RIF1: variants seen among roughly 807,000 people sequenced by gnomAD.
The protein encoded by RIF1 is telomere-associated protein RIF1.
A neutral mutation model predicts 247.1 loss-of-function variants in RIF1; 45 were observed. That is an observed-to-expected ratio of 0.18 (90% CI 0.14 to 0.23). RIF1 has a LOEUF of 0.23. Among genes scored for constraint, RIF1 ranks in the 10% least tolerant of loss-of-function variants. The pLI is 1.00. For missense variants in RIF1, 2,967 were observed against 2,862.5 expected (o/e 1.04, Z -0.83); for synonymous variants, 1,087 against 978.8 (o/e 1.11, Z -2.06).
At chr2:151,507,714 T>C (rs1017369537) in intron 13 of RIF1, 36 of 335,122 alleles carry the variant, frequency 1.1e-4, no homozygotes, top group Admixed American at 5.6e-4. Flanking sequence ...CTTGTTAATC[T>C]GTCTTTTGTT....
the RIF1 span, chr2:151,527,008 C>T: frequency 7.5e-6 from 12 of 1,595,056 alleles, no homozygotes; most frequent in South Asian, 1.1e-5. Flanking sequence ...ACTCCCGGTC[C>T]AGCTTATATT....
chr2:151,502,710 A>C, intron 11 of RIF1: 1 of 781,172 alleles, frequency 1.3e-6, no homozygotes, highest in Non-Finnish European at 2.1e-6. Context: ...CATTATATGA[A>C]TTTAGTAATT....
chr2:151,438,636 A>T, intron 13 of RIF1, 48 bp from the exon 14 acceptor site: 1 of 1,151,350 alleles, frequency 8.7e-7, no homozygotes, highest in Non-Finnish European at 1.3e-6. Context: ...CATAGTACGT[A>T]GTCATATGTA....
At chr2:151,433,259 T>G (rs765791945) in intron 10 of RIF1, 31 bp downstream of exon 10, 1 of 1,537,790 alleles carries the variant, frequency 6.5e-7, no homozygotes, top group African/African-American at 1.4e-5. Context: ...TATAGCACTT[T>G]ATGTTTTTGT....
intron 24 of RIF1, among the ~76,000 whole-genome samples, chr2:151,458,226 ATTTTTTT>A (rs71403171): frequency 3.0e-5 from 3 of 99,172 alleles, no homozygotes; most frequent in South Asian, 3.7e-4. Flanking sequence ...GAAATAGATG[ATTTTTTT>A]TTTTTTTTTT....
downstream of RIF1, chr2:151,485,960 ATAT>A (rs746779495): frequency 1.1e-5 from 17 of 1,609,860 alleles, no homozygotes; most frequent in African/African-American, 2.7e-5. Flanking sequence ...AAAAGGGGAA[ATAT>A]TATATGTTGG....
chr2:151,495,415 A>C (rs2059535388), intron 10 of RIF1: 1 of 151,618 alleles, frequency 6.6e-6, no homozygotes, highest in Non-Finnish European at 1.5e-5. Context: ...AGGACCCAGC[A>C]ATCTGGCTTC....
intron 6 of RIF1, 88 bp from the exon 7 acceptor site, chr2:151,420,102 G>A: frequency 9.3e-7 from 1 of 1,073,840 alleles, no homozygotes; most frequent in Non-Finnish European, 1.4e-6. Context: ...GGGCCGTACT[G>A]TGTATATTTC....
chr2:151,483,555 C>T (rs1285332655), downstream of RIF1, among the ~76,000 whole-genome samples: 5 of 152,118 alleles, frequency 3.3e-5, no homozygotes, highest in Non-Finnish European at 7.3e-5. Context: ...ATACAGTCAT[C>T]CCTCAATATC....
chr2:151,519,655 T>C, the RIF1 span: 4 of 1,594,512 alleles, frequency 2.5e-6, no homozygotes, highest in South Asian at 4.4e-5. Context: ...TTTAGAAACA[T>C]ACCTCACTTG....
chr2:151,506,102 T>C, intron 12 of RIF1: 1 of 1,350,670 alleles, frequency 7.4e-7, no homozygotes, highest in South Asian at 1.2e-5. Context: ...GTGCAACTCA[T>C]AGGTCATTGT....
chr2:151,462,323 G>A lies in RIF1; in HGVS notation c.3308+1G>A. On this transcript the variant is annotated splice_donor_variant, in intron 28 of 35. Coordinates refer to ENST00000444746, the MANE Select transcript of RIF1 (RefSeq NM_018151.5). LOFTEE classifies it high-confidence loss of function. ...CTCAGTATAGTCAGGAAGAGCCTATGTAAGTACAGAAGCCATCAAACTTTT... is the reference window on the plus strand; with the variant it reads ...CTCAGTATAGTCAGGAAGAGCCTATATAAGTACAGAAGCCATCAAACTTTT... The A allele has an allele frequency of 6.4e-7, 1 of 1,565,324 alleles. No homozygotes were observed. Among genetic ancestry groups the A allele is most frequent in the Non-Finnish European group, 8.7e-7 (1 of 1,150,426 alleles).
At chr2:151,429,164 G>T (rs1689611203) in intron 9 of RIF1, among the ~76,000 whole-genome samples, 1 of 152,128 alleles carries the variant, frequency 6.6e-6, no homozygotes, top group South Asian at 2.1e-4. Context: ...GAAAAATAAT[G>T]ATTTGTGGCT....
At chr2:151,439,528 G>T (rs1161656669) in intron 14 of RIF1, among the ~76,000 whole-genome samples, 1 of 151,864 alleles carries the variant, frequency 6.6e-6, no homozygotes, top group East Asian at 1.9e-4. Flanking sequence ...GCCAGACATG[G>T]TGGTGCATGC....
intron 34 of RIF1, among the ~76,000 whole-genome samples, chr2:151,470,741 A>T (rs1373212494): frequency 6.6e-6 from 1 of 152,092 alleles, no homozygotes. Context: ...AAGGTCCTTG[A>T]TTTTATATTA....
chr2:151,527,098 A>C, the RIF1 span: 1 of 941,602 alleles, frequency 1.1e-6, no homozygotes, highest in Non-Finnish European at 1.7e-6. Context: ...TTAAACACAC[A>C]GGGAGTCCTC....
At chr2:151,522,505 G>A in the RIF1 span, among the ~76,000 whole-genome samples, 11 of 152,296 alleles carry the variant, frequency 7.2e-5, no homozygotes, top group South Asian at 2.3e-3. Context: ...TCTGAGTCTA[G>A]TCTACCTTCC....
rs2070622543 is a variant in RIF1 at position 151,507,903 on chromosome 2, G to A, written c.*1202G>A. ...CTGGGGCAGGATGGGAGTTGTGGAG[G>A]GCTGCACAACAGCCCCACTGCAAGC... is the stretch of plus-strand genomic sequence containing the variant. On this transcript the variant is annotated 3_prime_UTR_variant and NMD_transcript_variant, in exon 14 of 14. Transcript: ENST00000454583. 1.0e-5 allele frequency: 8 copies of A among 771,020 alleles called. No individual in the cohort carries two copies. In the East Asian group the frequency reaches 1.9e-4, roughly 18 times the overall value. The allele number at this position is 771,020 out of a possible 1,614,324, so 47.8% of individuals were successfully genotyped here.
At chr2:151,498,290 T>G (rs1030563077) in intron 10 of RIF1, 1 of 1,551,458 alleles carries the variant, frequency 6.4e-7, no homozygotes, top group Non-Finnish European at 8.7e-7. Context: ...TGTGTTTGAC[T>G]CTCTGCATCT....
Sources: gnomAD v4.1 joint callset for allele counts (sites outside exome capture counted in the v4.1 genomes callset) on GRCh38, gnomAD v4.1.1 for gene constraint, MANE v1.5 for transcripts, NCBI Gene and HGNC (gene_info 2026-07-23, HGNC 2026-07-21) for gene names.